The following SMAGP variants were observed in gnomAD, a reference collection of about 807,000 sequenced individuals.
SMAGP encodes small cell transmembrane and glycosylated protein.
A neutral mutation model predicts 10.1 loss-of-function variants in SMAGP; 7 were observed. That is an observed-to-expected ratio of 0.70 (90% confidence interval 0.40 to 1.31). SMAGP has a LOEUF of 1.31. Among genes scored for constraint, SMAGP ranks in the 50% most tolerant of loss-of-function variants. The pLI is 0.01. For missense variants in SMAGP, 113 were observed against 116.5 expected (o/e 0.97, Z 0.14); for synonymous variants, 49 against 47.2 (o/e 1.04, Z -0.16).
chr12:51,266,468 G>A (rs201192256), intron 2 of SMAGP, among the ~76,000 whole-genome samples: 404 of 142,374 alleles, frequency 2.8e-3, no homozygotes, highest in Non-Finnish European at 3.6e-3. Flanking sequence ...CTTGACTTAA[G>A]AAAAAAAAAA....
intron 2 of SMAGP, among the ~76,000 whole-genome samples, chr12:51,266,718 G>A (rs1944978026): frequency 6.6e-6 from 1 of 152,132 alleles, no homozygotes; most frequent in African/African-American, 2.4e-5. Context: ...CATCCACTGG[G>A]GTTTTTGGAA....
chr12:51,251,904 T>C (rs1487307589), intron 2 of SMAGP, among the ~76,000 whole-genome samples: 1 of 152,178 alleles, frequency 6.6e-6, no homozygotes, highest in Non-Finnish European at 1.5e-5. Context: ...TTCTCACAAC[T>C]AGAGAATATT....
At chr12:51,256,642 C>T (rs969858648) in intron 2 of SMAGP, among the ~76,000 whole-genome samples, 7 of 151,990 alleles carry the variant, frequency 4.6e-5, no homozygotes, top group African/African-American at 1.7e-4. Flanking sequence ...ATCGCTTGAA[C>T]CCAGGAGGCG....
intron 2 of SMAGP, among the ~76,000 whole-genome samples, chr12:51,267,754 GT>G (rs1362444914): frequency 6.6e-6 from 1 of 152,068 alleles, no homozygotes; most frequent in African/African-American, 2.4e-5. Context: ...ACCTCCCAGA[GT>G]GCTGGAATTA....
chr12:51,269,500 C>T, intron 1 of SMAGP, 184 bp from the exon 2 acceptor site: 2 of 576,698 alleles, frequency 3.5e-6, no homozygotes, highest in Admixed American at 2.9e-5. Flanking sequence ...TCCACAGGAG[C>T]AGGTCTGAGG....
intron 2 of SMAGP, among the ~76,000 whole-genome samples, chr12:51,266,480 A>AC (rs1295440024): frequency 6.6e-6 from 1 of 151,864 alleles, no homozygotes; most frequent in African/African-American, 2.4e-5. Flanking sequence ...AAAAAAAAAA[A>AC]AGAACTGTGT....
At chr12:51,256,118 A>G in intron 2 of SMAGP, among the ~76,000 whole-genome samples, 1 of 152,120 alleles carries the variant, frequency 6.6e-6, no homozygotes, top group East Asian at 1.9e-4. Context: ...GCAGCAGCTC[A>G]GTGAGAAAGT....
At chr12:51,267,565 C>T (rs1944987271) in intron 2 of SMAGP, among the ~76,000 whole-genome samples, 1 of 146,938 alleles carries the variant, frequency 6.8e-6, no homozygotes, top group South Asian at 2.2e-4. Flanking sequence ...ATGATCTCGG[C>T]TCATTGCAAC....
At chr12:51,262,248 GGC>G (rs1169768809) in intron 2 of SMAGP, among the ~76,000 whole-genome samples, 1 of 152,182 alleles carries the variant, frequency 6.6e-6, no homozygotes, top group Non-Finnish European at 1.5e-5. Context: ...GGGAGGCTGA[GGC>G]CAGAGGATCA....
At chr12:51,261,011 G>C (rs1460901215) in intron 2 of SMAGP, among the ~76,000 whole-genome samples, 1 of 149,940 alleles carries the variant, frequency 6.7e-6, no homozygotes, top group Non-Finnish European at 1.5e-5. Flanking sequence ...GGCTGGTCTC[G>C]AACTCCTGAT....
chr12:51,262,204 G>T (rs1944938211), intron 2 of SMAGP, among the ~76,000 whole-genome samples: 1 of 152,150 alleles, frequency 6.6e-6, no homozygotes, highest in Non-Finnish European at 1.5e-5. Flanking sequence ...AACATGCTTG[G>T]CAAGGTGGCT....
At chr12:51,257,523 C>G (rs1463270828) in intron 2 of SMAGP, among the ~76,000 whole-genome samples, 1 of 151,688 alleles carries the variant, frequency 6.6e-6, no homozygotes, top group African/African-American at 2.4e-5. Context: ...CAAGACAAGC[C>G]TGGGCAACAT....
chr12:51,246,630 G>T (rs1944775551), intron 3 of SMAGP, 121 bp downstream of exon 3: 1 of 609,284 alleles, frequency 1.6e-6, no homozygotes, highest in Non-Finnish European at 2.8e-6. Context: ...GTGTGTGTGT[G>T]TGTGTGTGTA....
chr12:51,263,863 G>A (rs1167084434), intron 2 of SMAGP, among the ~76,000 whole-genome samples: 1 of 152,068 alleles, frequency 6.6e-6, no homozygotes, highest in Non-Finnish European at 1.5e-5. Flanking sequence ...TTTATAATTA[G>A]AAGAAGGAAA....
intron 2 of SMAGP, among the ~76,000 whole-genome samples, chr12:51,260,467 C>T (rs1339433572): frequency 6.6e-6 from 1 of 151,870 alleles, no homozygotes; most frequent in East Asian, 1.9e-4. Context: ...AGCTCCGCCT[C>T]CCAGGTTCAC....
rs1419431110 is a variant in SMAGP, at chr12:51,248,640, T to C, written c.35-1809A>G. ...CCAAGGCAGGACTCTAATCTTCCTC[T>C]GCCTTTCCCATAGTGGGTCATAAGA... On this transcript the variant is annotated intron_variant, in intron 2 of 3. Transcript: ENST00000603798. Among the ~76,000 whole-genome samples the C allele has an allele frequency of 1.4e-4, 21 of 152,256 alleles. No homozygotes were observed. The East Asian group carries it at 4.1e-3, about 29-fold the overall frequency.
intron 2 of SMAGP, chr12:51,253,550 A>G (rs1046028176): frequency 6.6e-6 from 1 of 152,230 alleles, no homozygotes; most frequent in African/African-American, 2.4e-5. Flanking sequence ...ATAAATGGAT[A>G]AACAAAATGT....
At chr12:51,255,750 TG>T (rs1210363494) in intron 2 of SMAGP, among the ~76,000 whole-genome samples, 1 of 152,216 alleles carries the variant, frequency 6.6e-6, no homozygotes, top group Non-Finnish European at 1.5e-5. Context: ...CAGTTGCATC[TG>T]CCAAAAGGTG....
chr12:51,249,034 C>G lies in SMAGP; in HGVS notation c.35-2203G>C, dbSNP rs1050246969. 6.6e-5 allele frequency among the ~76,000 whole-genome samples: 10 copies of G among 151,594 alleles called. No homozygotes were observed. The South Asian group carries it at 1.2e-3, about 19-fold the overall frequency. ...GGTGGAGGTCGCAGTGAGCTGAGAT[C>G]GCGCCACTGAACTCCAACCTGGGGG... On this transcript the variant is annotated intron_variant, in intron 2 of 3. Coordinates refer to ENST00000603798, the MANE Select transcript of SMAGP (RefSeq NM_001031628.2).
Sources: gnomAD v4.1 joint callset for allele counts (sites outside exome capture counted in the v4.1 genomes callset) on GRCh38, gnomAD v4.1.1 for gene constraint, MANE v1.5 for transcripts, NCBI Gene and HGNC (gene_info 2026-07-23, HGNC 2026-07-21) for gene names.